The following NECTIN3 variants were observed in gnomAD, a reference collection of about 807,000 sequenced individuals.
The protein encoded by NECTIN3 is nectin cell adhesion molecule 3, also known as nectin-3.
In NECTIN3, 8 loss-of-function variants were observed where a neutral mutation model predicts 49.4. The ratio of observed to expected loss-of-function variants is 0.16; its 90% CI spans 0.10 to 0.29. The LOEUF is 0.29. NECTIN3 is among the 10% of genes least tolerant of loss of function. The pLI, the probability that NECTIN3 is intolerant of heterozygous loss-of-function variation, is 1.00. For synonymous variants in NECTIN3, 277 were observed against 241.1 expected, an observed-to-expected ratio of 1.15 and a Z score of -1.38; for missense variants, 581 against 654.6, an observed-to-expected ratio of 0.89 and a Z score of 1.23.
At chr3:111,085,467 G>T (rs1040662191) in intron 1 of NECTIN3, among the ~76,000 whole-genome samples, 2 of 152,086 alleles carry the variant, frequency 1.3e-5, no homozygotes, top group East Asian at 3.9e-4. Flanking sequence ...ATAAATGTGC[G>T]GTTGGATGAA....
chr3:111,096,003 G>A (rs1225624446), intron 1 of NECTIN3, among the ~76,000 whole-genome samples: 1 of 152,216 alleles, frequency 6.6e-6, no homozygotes, highest in Middle Eastern at 3.2e-3. Context: ...AGTGACTTTG[G>A]AACTGGGTAA....
At chr3:111,088,337 G>A (rs2032054885) in intron 1 of NECTIN3, among the ~76,000 whole-genome samples, 4 of 152,122 alleles carry the variant, frequency 2.6e-5, no homozygotes, top group Admixed American at 6.5e-5. Context: ...GCTCTCTTCA[G>A]ATACCCAGAC....
At chr3:111,089,442 C>CGTTT (rs145065215) in intron 1 of NECTIN3, among the ~76,000 whole-genome samples, 9 of 149,806 alleles carry the variant, frequency 6.0e-5, no homozygotes, top group Non-Finnish European at 8.9e-5. Context: ...TGTATATAAA[C>CGTTT]ATATACATAC....
intron 7 of NECTIN3, among the ~76,000 whole-genome samples, chr3:111,150,578 G>A (rs1377679842): frequency 2.0e-5 from 3 of 151,830 alleles, no homozygotes; most frequent in Non-Finnish European, 2.9e-5. Context: ...TGTGTTTTTA[G>A]GTTCCACATA....
chr3:111,134,171 C>T lies in NECTIN3; in HGVS notation c.1606C>T (p.His536Tyr), dbSNP rs1289896337. Residue 536 changes from histidine to tyrosine, a missense_variant, in exon 6 of 6, where the codon CAT becomes TAT. His to Tyr is a moderately conservative substitution (Grantham distance 83). Coordinates refer to ENST00000485303, the MANE Select transcript of NECTIN3 (RefSeq NM_015480.3). ...TGAAAACGAAGATGACTTAGTTTCA[C>T]ATGTAGATGGTTCCGTAATTTCCAG... ...YDENEDDLVS[H>Y]VDGSVISRRE... The T allele has an allele frequency of 6.2e-7, 1 of 1,610,424 alleles. No homozygotes were observed. Among genetic ancestry groups the T allele is most frequent in the Non-Finnish European group, 8.5e-7 (1 of 1,178,528 alleles).
At chr3:111,142,968 TTTTTTA>T (rs369755524) in intron 5 of NECTIN3, among the ~76,000 whole-genome samples, 9 of 151,958 alleles carry the variant, frequency 5.9e-5, no homozygotes, top group African/African-American at 1.7e-4. Context: ...ACAATTAGTA[TTTTTTA>T]TTTGTGCCAC....
At chr3:111,163,535 C>A (rs1208547493) in intron 7 of NECTIN3, among the ~76,000 whole-genome samples, 1 of 152,122 alleles carries the variant, frequency 6.6e-6, no homozygotes, top group Non-Finnish European at 1.5e-5. Context: ...AAATAAAAAA[C>A]TAAAATGCTG....
chr3:111,186,374 C>T (rs987437140), intron 7 of NECTIN3, among the ~76,000 whole-genome samples: 2 of 152,030 alleles, frequency 1.3e-5, no homozygotes, highest in South Asian at 4.2e-4. Context: ...TAGACCAATA[C>T]GACAGAATGG....
chr3:111,147,557 C>A (rs2034904614), intron 7 of NECTIN3: 2 of 1,289,226 alleles, frequency 1.6e-6, no homozygotes, highest in Non-Finnish European at 2.1e-6. Context: ...TGTATTATTT[C>A]TTTCAAAATG....
chr3:111,121,273 A>G (rs1031399319), intron 3 of NECTIN3, among the ~76,000 whole-genome samples: 1 of 150,810 alleles, frequency 6.6e-6, no homozygotes, highest in East Asian at 2.0e-4. Context: ...TCAGCTTCCC[A>G]AAGTGCTGGG....
chr3:111,108,655 C>T (rs79352549), intron 1 of NECTIN3, among the ~76,000 whole-genome samples: 4,856 of 152,220 alleles, frequency 0.032, 85 homozygotes, highest in Middle Eastern at 0.058. Flanking sequence ...GTGCTGGCAT[C>T]TGTTTCTGGT....
chr3:111,142,563 G>T (rs1332202251), intron 5 of NECTIN3, among the ~76,000 whole-genome samples: 1 of 151,772 alleles, frequency 6.6e-6, no homozygotes, highest in African/African-American at 2.4e-5. Context: ...ATTTAGACAA[G>T]CATTACTTCA....
chr3:111,187,559 A>ATATTG (rs1314727732), upstream of NECTIN3, among the ~76,000 whole-genome samples: 19 of 152,368 alleles, frequency 1.2e-4, no homozygotes, highest in Admixed American at 1.2e-3. Flanking sequence ...CTTGGAAGTA[A>ATATTG]CCAATATGCA....
At chr3:111,098,709 GCT>G (rs2032731501) in intron 1 of NECTIN3, among the ~76,000 whole-genome samples, 1 of 152,002 alleles carries the variant, frequency 6.6e-6, no homozygotes, top group African/African-American at 2.4e-5. Flanking sequence ...CTGCATCTGT[GCT>G]CTCTTTTTTC....
At position 111,133,893 on chromosome 3, in the gene NECTIN3, A is replaced by G. The variant is rs772772346; in HGVS notation, c.1328A>G (p.Tyr443Cys). Residue 443 changes from tyrosine to cysteine, a missense_variant, in exon 6 of 6, where the codon TAC (tyrosine) becomes TGC (cysteine). Coordinates refer to ENST00000485303, the MANE Select transcript of NECTIN3 (RefSeq NM_015480.3). The stretch of plus-strand genomic sequence containing the variant: ...CGTGGAGACTACTTTGCCAAGAACT[A>G]CATTCCACCATCAGATATGCAAAAA... ...TFRGDYFAKN[Y>C]IPPSDMQKES... 3.1e-6 allele frequency: 5 copies of G among 1,613,872 alleles called. No homozygotes were observed. The highest frequency in any genetic ancestry group is 2.2e-5 in the South Asian group (2 of 91,082).
At chr3:111,122,842 C>T (rs1464847243) in intron 4 of NECTIN3, among the ~76,000 whole-genome samples, 2 of 151,938 alleles carry the variant, frequency 1.3e-5, no homozygotes, top group African/African-American at 4.8e-5. Flanking sequence ...CATATTTTGT[C>T]AGTATTTAGG....
chr3:111,147,497 G>A, intron 7 of NECTIN3: 1 of 1,474,546 alleles, frequency 6.8e-7, no homozygotes, highest in Non-Finnish European at 9.2e-7. Flanking sequence ...ATGTGTTCAT[G>A]AGTACACTTA....
At chr3:111,193,531 G>A (rs1559825814) in intron 1 of NECTIN3, 18 of 881,480 alleles carry the variant, frequency 2.0e-5, no homozygotes, top group South Asian at 1.8e-4. Flanking sequence ...AAAGCCAATA[G>A]CAAATTTCTT....
chr3:111,169,664 A>G (rs886834941), intron 7 of NECTIN3, among the ~76,000 whole-genome samples: 41 of 152,170 alleles, frequency 2.7e-4, no homozygotes, highest in Non-Finnish European at 8.8e-5. Context: ...CTCAGCGGCA[A>G]GTACATTCTA....
Sources: gnomAD v4.1 joint callset for allele counts (sites outside exome capture counted in the v4.1 genomes callset) on GRCh38, gnomAD v4.1.1 for gene constraint, MANE v1.5 for transcripts, NCBI Gene and HGNC (gene_info 2026-07-23, HGNC 2026-07-21) for gene names.